Variants in SMAD3 observed in about 807,000 individuals in gnomAD.
SMAD3 encodes SMAD family member 3, also known as MAD homolog 3.
SMAD3 carries 12 observed loss-of-function variants against 51.8 expected under a neutral mutation model. That is an observed-to-expected ratio of 0.23 (90% confidence interval 0.15 to 0.38). The LOEUF (loss-of-function observed/expected upper bound fraction) is 0.38. SMAD3 is among the 10% of genes least tolerant of loss of function. The probability of loss-of-function intolerance (pLI) is 1.00; values close to 1 mark genes in which losing one functional copy is unlikely to be tolerated. For missense variants in SMAD3, 294 were observed against 565.6 expected (o/e 0.52, Z 4.87); for synonymous variants, 238 against 227.7 (o/e 1.05, Z -0.41).
intron 1 of SMAD3, chr15:67,142,804 G>A (rs1481024082): frequency 2.2e-6 from 1 of 449,716 alleles, no homozygotes; most frequent in East Asian, 7.1e-5. Flanking sequence ...GGCTTGTGAT[G>A]TTTGTGATAA....
intron 1 of SMAD3, among the ~76,000 whole-genome samples, chr15:67,154,593 A>G (rs188020397): frequency 6.6e-6 from 1 of 152,338 alleles, no homozygotes; most frequent in East Asian, 1.9e-4. Flanking sequence ...GAACAGGCTA[A>G]TGTTGGAAAT....
intron 1 of SMAD3, among the ~76,000 whole-genome samples, chr15:67,083,390 A>T (rs1004555014): frequency 2.6e-5 from 4 of 152,208 alleles, no homozygotes; most frequent in Non-Finnish European, 5.9e-5. Context: ...CGGTTGCCTT[A>T]CTGGGGTTCA....
At chr15:67,185,042 C>T (rs1270654640) in intron 7 of SMAD3, among the ~76,000 whole-genome samples, 178 bp downstream of exon 7, 4 of 152,240 alleles carry the variant, frequency 2.6e-5, no homozygotes, top group African/African-American at 9.6e-5. Context: ...TTTCCCTGAA[C>T]TTCCAGGGAG....
chr15:67,171,714 C>T (rs1962756907), intron 5 of SMAD3, among the ~76,000 whole-genome samples: 1 of 152,162 alleles, frequency 6.6e-6, no homozygotes, highest in South Asian at 2.1e-4. Flanking sequence ...AACAGGCTGA[C>T]CTGGGCAGTG....
At chr15:67,172,115 C>G (rs778844273) in intron 5 of SMAD3, among the ~76,000 whole-genome samples, 3 of 152,222 alleles carry the variant, frequency 2.0e-5, no homozygotes, top group Non-Finnish European at 2.9e-5. Context: ...CTGTGAACTT[C>G]CCTCTAGATT....
intron 1 of SMAD3, among the ~76,000 whole-genome samples, chr15:67,159,968 C>A (rs961786824): frequency 7.9e-5 from 12 of 152,312 alleles, no homozygotes; most frequent in Admixed American, 2.6e-4. Context: ...CATTCATGCA[C>A]AAGTCTTTGG....
intron 1 of SMAD3, among the ~76,000 whole-genome samples, chr15:67,164,534 A>G (rs1479890577): frequency 6.6e-6 from 1 of 152,174 alleles, no homozygotes; most frequent in Non-Finnish European, 1.5e-5. Context: ...CTCTGGGCTG[A>G]GTAGGAAGCC....
chr15:67,113,592 A>G (rs1399959510), intron 1 of SMAD3, among the ~76,000 whole-genome samples: 1 of 152,198 alleles, frequency 6.6e-6, no homozygotes, highest in Non-Finnish European at 1.5e-5. Flanking sequence ...AGATTGTTGG[A>G]AGTAGCCTGC....
chr15:67,168,328 T>C (rs1393319623), intron 4 of SMAD3, among the ~76,000 whole-genome samples: 1 of 152,220 alleles, frequency 6.6e-6, no homozygotes, highest in Admixed American at 6.5e-5. Flanking sequence ...CGTGGCACTT[T>C]TGGGTTGAGC....
At chr15:67,112,295 G>A (rs187409740) in intron 1 of SMAD3, among the ~76,000 whole-genome samples, 6 of 149,360 alleles carry the variant, frequency 4.0e-5, no homozygotes, top group East Asian at 2.0e-4. Context: ...GATTACAGGC[G>A]CCCGCCACCA....
chr15:67,094,522 C>T (rs931114145), intron 1 of SMAD3, among the ~76,000 whole-genome samples: 5 of 152,164 alleles, frequency 3.3e-5, no homozygotes, highest in South Asian at 2.1e-4. Flanking sequence ...TAACATGGAA[C>T]GCAGGGCCTG....
intron 1 of SMAD3, among the ~76,000 whole-genome samples, chr15:67,133,790 C>G (rs1034984288): frequency 6.6e-6 from 1 of 152,042 alleles, no homozygotes; most frequent in Non-Finnish European, 1.5e-5. Context: ...GTGGCAGGGA[C>G]CTTTGGAATG....
chr15:67,131,673 C>T (rs543093935), intron 1 of SMAD3, among the ~76,000 whole-genome samples: 6 of 152,140 alleles, frequency 3.9e-5, no homozygotes, highest in African/African-American at 1.4e-4. Flanking sequence ...CTCTCGAGAG[C>T]CCTAACTTAG....
At chr15:67,169,962 A>G (rs745727518) in intron 4 of SMAD3, among the ~76,000 whole-genome samples, 1 of 152,076 alleles carries the variant, frequency 6.6e-6, no homozygotes, top group Non-Finnish European at 1.5e-5. Context: ...CTTTTGCATA[A>G]AGTGTTTGTC....
At chr15:67,179,461 T>C (rs749242980) in intron 5 of SMAD3, among the ~76,000 whole-genome samples, 2 of 152,032 alleles carry the variant, frequency 1.3e-5, no homozygotes, top group Non-Finnish European at 2.9e-5. Context: ...GCCCCAGATG[T>C]CAGTAGTGCT....
chr15:67,111,194 G>A (rs1447672746), intron 1 of SMAD3, among the ~76,000 whole-genome samples: 3 of 152,106 alleles, frequency 2.0e-5, no homozygotes, highest in Non-Finnish European at 2.9e-5. Flanking sequence ...CTACTTTCTG[G>A]TTCTCTGGAT....
intron 1 of SMAD3, among the ~76,000 whole-genome samples, chr15:67,106,940 C>T (rs924255673): frequency 1.3e-5 from 2 of 152,098 alleles, no homozygotes; most frequent in Admixed American, 6.5e-5. Flanking sequence ...CATATCATTC[C>T]CCAGTGGTTT....
At chr15:67,157,725 G>A (rs1447950124) in intron 1 of SMAD3, among the ~76,000 whole-genome samples, 1 of 152,090 alleles carries the variant, frequency 6.6e-6, no homozygotes, top group Non-Finnish European at 1.5e-5. Flanking sequence ...CTCTCCTTGG[G>A]GTACACTCTG....
chr15:67,066,414 C>CT (rs1959919770), intron 1 of SMAD3, 54 bp downstream of exon 1: 1 of 1,466,054 alleles, frequency 6.8e-7, no homozygotes, highest in African/African-American at 1.4e-5. Flanking sequence ...CCCCCTGGCA[C>CT]TGCGGGGCCG....
Sources: allele counts gnomAD v4.1 joint callset (sites outside exome capture counted in the v4.1 genomes callset), GRCh38; gene constraint gnomAD v4.1.1; transcripts MANE v1.5; gene names NCBI Gene and HGNC (gene_info 2026-07-23, HGNC 2026-07-21).